The following OSBPL10 variants were observed in gnomAD, a reference collection of about 807,000 sequenced individuals.
OSBPL10 encodes oxysterol binding protein like 10, also known as oxysterol-binding protein-related protein 10.
OSBPL10 carries 49 observed loss-of-function variants against 81.7 expected under a neutral mutation model. The ratio of observed to expected loss-of-function variants is 0.60; its 90% CI spans 0.48 to 0.76. OSBPL10 has a LOEUF of 0.76. OSBPL10 is among the 30% of genes least tolerant of loss of function. OSBPL10 has a pLI of 0.00. For synonymous variants in OSBPL10, 419 were observed against 383.6 expected, an observed-to-expected ratio of 1.09 and a Z score of -1.08; for missense variants, 923 against 987.8, an observed-to-expected ratio of 0.93 and a Z score of 0.88.
chr3:31,767,221 A>G (rs572831573), intron 4 of OSBPL10, among the ~76,000 whole-genome samples: 17 of 152,176 alleles, frequency 1.1e-4, no homozygotes, highest in Non-Finnish European at 2.4e-4. Flanking sequence ...TGTTTTGCTC[A>G]TGCAGTTGTG....
At chr3:31,782,010 A>C (rs1698709167) in intron 4 of OSBPL10, among the ~76,000 whole-genome samples, 1 of 152,220 alleles carries the variant, frequency 6.6e-6, no homozygotes, top group Admixed American at 6.5e-5. Flanking sequence ...AAGACTAGGC[A>C]ACAAGAACAA....
intron 3 of OSBPL10, among the ~76,000 whole-genome samples, chr3:31,861,841 G>A (rs1397733853): frequency 6.6e-6 from 1 of 152,204 alleles, no homozygotes; most frequent in African/African-American, 2.4e-5. Context: ...AGCTAGACTT[G>A]TCTGGAGGGG....
chr3:31,822,603 T>C (rs1047374478), intron 4 of OSBPL10, among the ~76,000 whole-genome samples: 2 of 152,050 alleles, frequency 1.3e-5, no homozygotes, highest in Non-Finnish European at 1.5e-5. Context: ...AAAACTATTG[T>C]AATAACTAGA....
intron 3 of OSBPL10, among the ~76,000 whole-genome samples, chr3:31,869,105 C>A (rs2125614079): frequency 6.6e-6 from 1 of 152,350 alleles, no homozygotes; most frequent in East Asian, 1.9e-4. Flanking sequence ...AAGCCTCCAA[C>A]TCCGAGGAGT....
At chr3:31,771,698 C>G (rs894725685) in intron 4 of OSBPL10, among the ~76,000 whole-genome samples, 17 of 152,126 alleles carry the variant, frequency 1.1e-4, no homozygotes, top group African/African-American at 3.6e-4. Context: ...CTTCAGGACT[C>G]GGACCTTAAT....
intron 1 of OSBPL10, among the ~76,000 whole-genome samples, chr3:31,956,646 T>C (rs1216567975): frequency 6.6e-6 from 1 of 152,014 alleles, no homozygotes; most frequent in Non-Finnish European, 1.5e-5. Context: ...GAGAATCACC[T>C]GAACCTGGGA....
chr3:31,688,281 T>TCTCA (rs1553614121), intron 7 of OSBPL10, among the ~76,000 whole-genome samples: 3 of 113,910 alleles, frequency 2.6e-5, no homozygotes, highest in African/African-American at 9.7e-5. Context: ...TCTCTCTCTC[T>TCTCA]CTCACACACA....
At chr3:31,862,838 T>C (rs1701092813) in intron 3 of OSBPL10, among the ~76,000 whole-genome samples, 1 of 152,220 alleles carries the variant, frequency 6.6e-6, no homozygotes, top group African/African-American at 2.4e-5. Flanking sequence ...ATGGTGCAGC[T>C]GCTTTGGAAA....
At chr3:31,930,275 G>A (rs1252430433) in intron 1 of OSBPL10, among the ~76,000 whole-genome samples, 2 of 152,030 alleles carry the variant, frequency 1.3e-5, no homozygotes, top group African/African-American at 4.8e-5. Context: ...AAGGGTAAAT[G>A]CAAATTAAAA....
intron 3 of OSBPL10, among the ~76,000 whole-genome samples, chr3:31,830,714 G>T (rs1700218423): frequency 6.6e-6 from 1 of 152,156 alleles, no homozygotes; most frequent in Non-Finnish European, 1.5e-5. Flanking sequence ...TGATTATCCA[G>T]TTACTTTCTT....
chr3:31,914,393 C>A (rs372153287), intron 1 of OSBPL10, among the ~76,000 whole-genome samples: 28 of 152,304 alleles, frequency 1.8e-4, no homozygotes, highest in African/African-American at 6.7e-4. Flanking sequence ...TACTGTGTGA[C>A]TTATCAGAGT....
chr3:31,999,045 G>A (rs896717545), intron 2 of OSBPL10, among the ~76,000 whole-genome samples: 1 of 152,200 alleles, frequency 6.6e-6, no homozygotes. Flanking sequence ...ATTTGTATCA[G>A]CCAGACAGTA....
At chr3:31,898,993 G>A (rs1275443378) in intron 1 of OSBPL10, among the ~76,000 whole-genome samples, 3 of 125,390 alleles carry the variant, frequency 2.4e-5, no homozygotes, top group East Asian at 2.3e-4. Context: ...ACAGAGTCTC[G>A]GTCTGTCACC....
intron 7 of OSBPL10, among the ~76,000 whole-genome samples, chr3:31,686,160 C>T (rs1370197435): frequency 6.6e-6 from 1 of 152,178 alleles, no homozygotes; most frequent in Non-Finnish European, 1.5e-5. Context: ...TCACCAGAAG[C>T]CAGCCAGATG....
intron 4 of OSBPL10, among the ~76,000 whole-genome samples, chr3:31,785,949 G>T (rs1698850576): frequency 6.6e-6 from 1 of 152,110 alleles, no homozygotes. Flanking sequence ...CACCTCAATT[G>T]CTCATCACTG....
At chr3:31,743,031 GTTTTTTT>G (rs10715360) in intron 5 of OSBPL10, among the ~76,000 whole-genome samples, 1 of 57,494 alleles carries the variant, frequency 1.7e-5, no homozygotes, top group Non-Finnish European at 3.2e-5. Flanking sequence ...AGCTAAATTA[GTTTTTTT>G]TTTTTTTTTT....
intron 2 of OSBPL10, among the ~76,000 whole-genome samples, chr3:32,009,132 C>T (rs1482984947): frequency 1.3e-5 from 2 of 152,120 alleles, no homozygotes; most frequent in Non-Finnish European, 2.9e-5. Context: ...CTCTAGCCCT[C>T]CTGCCTAAAG....
intron 2 of OSBPL10, among the ~76,000 whole-genome samples, chr3:32,020,904 C>G (rs1215907259): frequency 6.6e-6 from 1 of 152,214 alleles, no homozygotes; most frequent in Admixed American, 6.5e-5. Context: ...CTCGTATTTT[C>G]TCAGAGTTCT....
chr3:31,901,399 A>G (rs1458150657), intron 1 of OSBPL10, among the ~76,000 whole-genome samples: 3 of 152,154 alleles, frequency 2.0e-5, no homozygotes, highest in Admixed American at 2.0e-4. Context: ...CACAGTGGCC[A>G]TCTTCCCAAT....
Sources: allele counts gnomAD v4.1 joint callset (sites outside exome capture counted in the v4.1 genomes callset), GRCh38; gene constraint gnomAD v4.1.1; transcripts MANE v1.5; gene names NCBI Gene and HGNC (gene_info 2026-07-23, HGNC 2026-07-21).